Variants in PACRG observed in about 807,000 individuals in gnomAD.
PACRG encodes parkin coregulated.
A neutral mutation model predicts 29.7 loss-of-function variants in PACRG; 29 were observed. The observed-to-expected ratio is 0.98, with a 90% CI of 0.73 to 1.33. PACRG has a LOEUF of 1.33. Among genes scored for constraint, PACRG ranks in the 40% most tolerant of loss-of-function variants. PACRG has a pLI of 0.00. For missense variants in PACRG, 279 were observed against 316.2 expected (o/e 0.88, Z 0.89); for synonymous variants, 116 against 118.7 (o/e 0.98, Z 0.15).
At position 162,987,616 on chromosome 6, in the gene PACRG, C is replaced by T. The variant is rs576212978; in HGVS notation, c.292-74534C>T. On this transcript the variant is annotated intron_variant, in intron 2 of 4. Transcript: ENST00000366888. Reference sequence around the variant, plus strand: ...AAGCCTTTGCTCCTCCTTCACCTTCCGCCATGATTATGAAGCTTCCTCAGC... The same window carrying T: ...AAGCCTTTGCTCCTCCTTCACCTTCTGCCATGATTATGAAGCTTCCTCAGC... Among the ~76,000 whole-genome samples, 10 of 152,270 alleles carry T rather than the reference C, an allele frequency of 6.6e-5. No homozygotes were observed. In the South Asian group the frequency reaches 8.3e-4, roughly 13 times the overall value.
chr6:162,942,035 A>T (rs2128119969), intron 2 of PACRG, among the ~76,000 whole-genome samples: 1 of 152,314 alleles, frequency 6.6e-6, no homozygotes, highest in Admixed American at 6.5e-5. Flanking sequence ...GAGCTATTCA[A>T]CCCTTACCTC....
chr6:162,966,771 C>T (rs992507330), intron 2 of PACRG, among the ~76,000 whole-genome samples: 3 of 152,064 alleles, frequency 2.0e-5, no homozygotes, highest in Admixed American at 6.6e-5. Context: ...CCCCCGCACC[C>T]GGCCCCGACA....
intron 4 of PACRG, among the ~76,000 whole-genome samples, chr6:163,308,665 C>CAAAAAAAAAAAAAAA (rs34275762): frequency 1.3e-4 from 17 of 131,420 alleles, no homozygotes; most frequent in Admixed American, 2.3e-4. Context: ...GGCTCCGTCT[C>CAAAAAAAAAAAAAAA]AAAAAAAAAA....
intron 2 of PACRG, among the ~76,000 whole-genome samples, chr6:162,880,347 T>TA (rs1793729736): frequency 6.6e-6 from 1 of 152,248 alleles, no homozygotes; most frequent in East Asian, 1.9e-4. Context: ...AATGATCACT[T>TA]ACGTGGCATT....
intron 2 of PACRG, among the ~76,000 whole-genome samples, chr6:162,883,366 G>A (rs1562696422): frequency 6.6e-6 from 1 of 152,072 alleles, no homozygotes; most frequent in Non-Finnish European, 1.5e-5. Flanking sequence ...TTTAAAGTGT[G>A]ATTTCACATA....
intron 4 of PACRG, among the ~76,000 whole-genome samples, chr6:163,203,852 C>T (rs907928892): frequency 1.3e-5 from 2 of 152,164 alleles, no homozygotes; most frequent in African/African-American, 4.8e-5. Context: ...ATAGAGGTTT[C>T]TGCAAATGAT....
chr6:163,001,969 A>G (rs1804630154), intron 2 of PACRG, among the ~76,000 whole-genome samples: 1 of 152,208 alleles, frequency 6.6e-6, no homozygotes, highest in South Asian at 2.1e-4. Flanking sequence ...ATGTGTTTAA[A>G]GAGTTAGGGA....
chr6:162,965,320 A>C (rs1041031872), intron 2 of PACRG, among the ~76,000 whole-genome samples: 1 of 152,204 alleles, frequency 6.6e-6, no homozygotes, highest in Non-Finnish European at 1.5e-5. Flanking sequence ...GTCTTAGTCC[A>C]TTTGGTTGCT....
chr6:163,158,553 C>T (rs1234773446), intron 4 of PACRG, among the ~76,000 whole-genome samples: 2 of 152,082 alleles, frequency 1.3e-5, no homozygotes, highest in African/African-American at 2.4e-5. Context: ...TACAGCAAGC[C>T]GGGTAGTTAT....
At chr6:162,797,524 A>G (rs1484393607) in intron 1 of PACRG, among the ~76,000 whole-genome samples, 3 of 152,234 alleles carry the variant, frequency 2.0e-5, no homozygotes, top group African/African-American at 7.2e-5. Flanking sequence ...TGATAAGTTC[A>G]CTAATATATG....
chr6:163,264,387 G>A lies in PACRG; in HGVS notation c.614-50440G>A, dbSNP rs116415626. On this transcript the variant is annotated intron_variant, in intron 4 of 4. Transcript: ENST00000366888. The stretch of plus-strand genomic sequence containing the variant: ...CTCAGAGTCACTCCGCATCCACTGC[G>A]CACTGCTCTACACACTGCTCTGGGC... Among the ~76,000 whole-genome samples, 1,190 of 152,148 alleles carry A rather than the reference G, an allele frequency of 7.8e-3. 17 individuals carry two copies. Among genetic ancestry groups the A allele is most frequent in the African/African-American group, 0.028 (1,152 of 41,486 alleles).
chr6:163,037,182 G>A (rs1808280243), intron 2 of PACRG, among the ~76,000 whole-genome samples: 1 of 152,166 alleles, frequency 6.6e-6, no homozygotes, highest in Non-Finnish European at 1.5e-5. Context: ...TGGCAGAAGA[G>A]AAGGAGGCAT....
At chr6:162,957,599 G>A (rs567300647) in intron 2 of PACRG, 26 of 181,766 alleles carry the variant, frequency 1.4e-4, no homozygotes, top group Middle Eastern at 4.1e-3. Flanking sequence ...AGACAACGAC[G>A]TCCATGGAAG....
intron 4 of PACRG, among the ~76,000 whole-genome samples, chr6:163,194,878 A>T (rs1187870001): frequency 7.0e-6 from 1 of 142,162 alleles, no homozygotes. Flanking sequence ...CACCTCCTTC[A>T]CTCTCCCCTC....
At chr6:162,730,029 C>T (rs1779631503) in intron 1 of PACRG, among the ~76,000 whole-genome samples, 1 of 149,996 alleles carries the variant, frequency 6.7e-6, no homozygotes, top group African/African-American at 2.5e-5. Flanking sequence ...ATTATTTATC[C>T]ATTCATCTAT....
intron 1 of PACRG, among the ~76,000 whole-genome samples, chr6:162,743,231 G>A (rs1325424244): frequency 1.3e-5 from 2 of 152,062 alleles, no homozygotes; most frequent in Non-Finnish European, 2.9e-5. Flanking sequence ...TTGCTATTGA[G>A]TTATTTGAGT....
At chr6:162,793,974 G>A (rs35592978) in intron 1 of PACRG, among the ~76,000 whole-genome samples, 47,450 of 152,002 alleles carry the variant, frequency 0.31, 8,157 homozygotes, top group Admixed American at 0.43. Flanking sequence ...ACCTGCACAT[G>A]TACCCTTGAA....
chr6:163,269,671 A>G (rs1287281594), intron 4 of PACRG, among the ~76,000 whole-genome samples: 1 of 151,800 alleles, frequency 6.6e-6, no homozygotes, highest in Admixed American at 6.6e-5. Flanking sequence ...GGAGGCTTTT[A>G]TGGATCTTTA....
chr6:163,177,253 C>G (rs1196445152), intron 4 of PACRG, among the ~76,000 whole-genome samples: 1 of 152,102 alleles, frequency 6.6e-6, no homozygotes, highest in Non-Finnish European at 1.5e-5. Context: ...AAACCAGTAA[C>G]TGGAAATGTT....
Sources: gnomAD v4.1 joint callset for allele counts (sites outside exome capture counted in the v4.1 genomes callset) on GRCh38, gnomAD v4.1.1 for gene constraint, MANE v1.5 for transcripts, NCBI Gene and HGNC (gene_info 2026-07-23, HGNC 2026-07-21) for gene names.